ST3GAL1: variants seen among roughly 807,000 people sequenced by gnomAD.
The protein encoded by ST3GAL1 is CMP-N-acetylneuraminate-beta-galactosamide-alpha-2,3-sialyltransferase 1.
Under a neutral mutation model 34.1 loss-of-function variants are expected in ST3GAL1, and 16 were observed. The ratio of observed to expected loss-of-function variants is 0.47; its 90% CI spans 0.32 to 0.71. The LOEUF is 0.71. ST3GAL1 is among the 30% of genes least tolerant of loss of function. The pLI, the probability that ST3GAL1 is intolerant of heterozygous loss-of-function variation, is 0.04. For missense variants in ST3GAL1, 353 were observed against 447.4 expected, an observed-to-expected ratio of 0.79 and a Z score of 1.90; for synonymous variants, 191 against 184.7, an observed-to-expected ratio of 1.03 and a Z score of -0.28.
chr8:133,479,444 G>A (rs1355763194), intron 3 of ST3GAL1, among the ~76,000 whole-genome samples: 2 of 152,166 alleles, frequency 1.3e-5, no homozygotes, highest in Non-Finnish European at 1.5e-5. Context: ...ACCTGCTGGT[G>A]GGGCTGAGCA....
intron 2 of ST3GAL1, among the ~76,000 whole-genome samples, chr8:133,526,934 A>C (rs1243785841): frequency 6.6e-6 from 1 of 152,180 alleles, no homozygotes; most frequent in African/African-American, 2.4e-5. Flanking sequence ...CGCTGCACTC[A>C]GTTCTCAGAA....
At chr8:133,494,165 A>G (rs1461858926) in intron 3 of ST3GAL1, among the ~76,000 whole-genome samples, 1 of 152,156 alleles carries the variant, frequency 6.6e-6, no homozygotes, top group African/African-American at 2.4e-5. Flanking sequence ...TTCAGATTCA[A>G]TTTCTATTTA....
intron 2 of ST3GAL1, among the ~76,000 whole-genome samples, chr8:133,506,799 A>G (rs980481502): frequency 2.0e-5 from 3 of 148,522 alleles, no homozygotes; most frequent in Non-Finnish European, 4.5e-5. Flanking sequence ...AAAAAGAAAA[A>G]AAAAGCTGGG....
intron 2 of ST3GAL1, among the ~76,000 whole-genome samples, chr8:133,509,524 C>T (rs1213108818): frequency 1.3e-5 from 2 of 152,210 alleles, no homozygotes; most frequent in African/African-American, 4.8e-5. Flanking sequence ...CGTGGGGCAC[C>T]AGGGGGACCA....
chr8:133,525,411 C>A (rs1817938658), intron 2 of ST3GAL1, among the ~76,000 whole-genome samples: 1 of 152,092 alleles, frequency 6.6e-6, no homozygotes, highest in Non-Finnish European at 1.5e-5. Context: ...CCATGGATGG[C>A]CATGGATGGG....
intron 1 of ST3GAL1, among the ~76,000 whole-genome samples, chr8:133,557,009 C>T (rs150009791): frequency 1.3e-3 from 192 of 152,236 alleles, no homozygotes; most frequent in Non-Finnish European, 1.8e-3. Flanking sequence ...GTGACAACCC[C>T]CCAACCTGAC....
At chr8:133,460,677 G>A (rs779168428) in intron 9 of ST3GAL1, among the ~76,000 whole-genome samples, 85 of 152,336 alleles carry the variant, frequency 5.6e-4, no homozygotes, top group East Asian at 1.2e-3. Context: ...CACTGACTGA[G>A]TGGTCCTTGT....
At chr8:133,484,037 T>G (rs1205882226) in intron 3 of ST3GAL1, among the ~76,000 whole-genome samples, 1 of 152,228 alleles carries the variant, frequency 6.6e-6, no homozygotes, top group East Asian at 1.9e-4. Context: ...ACTGCCAGTC[T>G]TGAATTGGGG....
intron 2 of ST3GAL1, among the ~76,000 whole-genome samples, chr8:133,541,488 C>T (rs996045881): frequency 1.1e-4 from 16 of 152,176 alleles, no homozygotes; most frequent in Admixed American, 1.0e-3. Context: ...CTCTCACTCC[C>T]ACATGCAACT....
intron 3 of ST3GAL1, among the ~76,000 whole-genome samples, chr8:133,498,102 G>A (rs2130989660): frequency 6.6e-6 from 1 of 152,362 alleles, no homozygotes; most frequent in Non-Finnish European, 1.5e-5. Context: ...TCTGCCACTT[G>A]TTCTGTGGCA....
intron 2 of ST3GAL1, among the ~76,000 whole-genome samples, chr8:133,506,431 T>G (rs1296981538): frequency 1.3e-5 from 2 of 152,202 alleles, no homozygotes; most frequent in African/African-American, 4.8e-5. Flanking sequence ...AGATCTCCTT[T>G]GTATTACAGT....
chr8:133,561,713 G>A (rs1257669164), intron 1 of ST3GAL1, among the ~76,000 whole-genome samples: 3 of 152,130 alleles, frequency 2.0e-5, no homozygotes, highest in Non-Finnish European at 4.4e-5. Context: ...GAGGCAGTAA[G>A]GTACTGGGGT....
chr8:133,461,844 C>T lies in ST3GAL1; in HGVS notation c.849+31G>A. 1 of 1,613,196 alleles carries T rather than the reference C, an allele frequency of 6.2e-7. No homozygotes were observed. The highest frequency in any genetic ancestry group is 8.5e-7 in the Non-Finnish European group (1 of 1,179,476). ...GAACACAGGACGGTGAGCTTCGAGG[C>T]AGCCCTGTGGGCAGGGGGAGGGTGG... On this transcript the variant is annotated intron_variant, in intron 9 of 9. Coordinates refer to ENST00000522652, the MANE Select transcript of ST3GAL1 (RefSeq NM_173344.3). This position sits in a 1 kb window ranked among gnomAD's most constrained non-coding sequence, Gnocchi z 4.7.
At chr8:133,473,844 G>A (rs1469345349) in intron 5 of ST3GAL1, among the ~76,000 whole-genome samples, 1 of 152,176 alleles carries the variant, frequency 6.6e-6, no homozygotes, top group African/African-American at 2.4e-5. Context: ...TGTGACTAAG[G>A]CTGATCCTGC....
intron 2 of ST3GAL1, among the ~76,000 whole-genome samples, chr8:133,544,705 C>T (rs913368847): frequency 2.0e-5 from 3 of 152,184 alleles, no homozygotes; most frequent in Non-Finnish European, 4.4e-5. Context: ...ATAAATAAAA[C>T]TAATAAACCC....
chr8:133,561,130 G>A (rs977684943), intron 1 of ST3GAL1, among the ~76,000 whole-genome samples: 1 of 39,396 alleles, frequency 2.5e-5, no homozygotes, highest in South Asian at 7.8e-4. Context: ...TTTTTTTTTT[G>A]CTTGCTGCCA....
At chr8:133,554,654 T>C (rs1290629459) in intron 1 of ST3GAL1, among the ~76,000 whole-genome samples, 8 of 152,162 alleles carry the variant, frequency 5.3e-5, no homozygotes, top group Admixed American at 2.6e-4. Flanking sequence ...GGAGAAACTT[T>C]AACTGAACAC....
At chr8:133,493,223 C>T (rs1816836524) in intron 3 of ST3GAL1, among the ~76,000 whole-genome samples, 1 of 152,230 alleles carries the variant, frequency 6.6e-6, no homozygotes, top group Admixed American at 6.5e-5. Flanking sequence ...TCTTGTTCTG[C>T]TCAACTTTAA....
intron 2 of ST3GAL1, among the ~76,000 whole-genome samples, chr8:133,541,058 T>TATATATAG (rs1554618821): frequency 2.1e-4 from 6 of 28,442 alleles, no homozygotes; most frequent in African/African-American, 1.1e-3. Flanking sequence ...TATATAGACA[T>TATATATAG]ATATATATAG....
Sources: allele counts gnomAD v4.1 joint callset (sites outside exome capture counted in the v4.1 genomes callset), GRCh38; gene constraint gnomAD v4.1.1; non-coding constraint Gnocchi (gnomAD v3.1); transcripts MANE v1.5; gene names NCBI Gene and HGNC (gene_info 2026-07-23, HGNC 2026-07-21).